The following DNAH3 variants were observed in gnomAD, a reference collection of about 807,000 sequenced individuals.
DNAH3 encodes dynein axonemal heavy chain 3, also known as axonemal beta dynein heavy chain 3.
In DNAH3, 332 loss-of-function variants were observed where a neutral mutation model predicts 432.5. The ratio of observed to expected loss-of-function variants is 0.77; its 90% CI spans 0.70 to 0.84. The LOEUF is 0.84. Ranked by LOEUF, DNAH3 falls within the 40% of genes least tolerant of loss-of-function variation. The pLI, the probability that DNAH3 is intolerant of heterozygous loss-of-function variation, is 0.00. For missense variants in DNAH3, 4,861 were observed against 5,114.0 expected (o/e 0.95, Z 1.51); for synonymous variants, 1,956 against 1,900.2 (o/e 1.03, Z -0.76).
chr16:20,960,876 G>A (rs906302412), intron 53 of DNAH3, among the ~76,000 whole-genome samples: 4 of 152,262 alleles, frequency 2.6e-5, no homozygotes, highest in East Asian at 1.9e-4. Context: ...GTGAGTTCAC[G>A]GTACTCTCTG....
chr16:21,051,571 G>T (rs945512362), intron 29 of DNAH3, 99 bp downstream of exon 29: 17 of 1,211,506 alleles, frequency 1.4e-5, no homozygotes, highest in Middle Eastern at 2.8e-4. Context: ...AAGTGTGAAG[G>T]GTAAAGGTAA....
At chr16:21,138,122 C>T (rs919548756) in intron 5 of DNAH3, among the ~76,000 whole-genome samples, 1 of 151,922 alleles carries the variant, frequency 6.6e-6, no homozygotes, top group Non-Finnish European at 1.5e-5. Context: ...GTGGTGCATA[C>T]CTGTAATCCC....
At chr16:21,146,584 A>G (rs1425164945) in intron 1 of DNAH3, among the ~76,000 whole-genome samples, 2 of 152,150 alleles carry the variant, frequency 1.3e-5, no homozygotes, top group East Asian at 1.9e-4. Context: ...GTTACCTTGC[A>G]TGGTTATTAT....
At chr16:21,038,280 C>T (rs974116440) in intron 33 of DNAH3, among the ~76,000 whole-genome samples, 12 of 152,222 alleles carry the variant, frequency 7.9e-5, no homozygotes, top group East Asian at 7.7e-4. Flanking sequence ...GCAGGAGGAT[C>T]GCTTGAGGCC....
chr16:21,115,746 AAAAAT>A (rs1000829648), intron 12 of DNAH3, among the ~76,000 whole-genome samples: 12 of 149,610 alleles, frequency 8.0e-5, no homozygotes, highest in African/African-American at 2.0e-4. Flanking sequence ...AAAATAAAAT[AAAAAT>A]AAAATAAAAT....
chr16:20,939,851 A>G (rs1016643184), intron 59 of DNAH3, among the ~76,000 whole-genome samples: 1 of 152,192 alleles, frequency 6.6e-6, no homozygotes, highest in Non-Finnish European at 1.5e-5. Flanking sequence ...ACCTACATCA[A>G]ATCACAGTCA....
At chr16:20,952,114 G>C (rs1172905297) in intron 56 of DNAH3, among the ~76,000 whole-genome samples, 2 of 151,978 alleles carry the variant, frequency 1.3e-5, no homozygotes, top group African/African-American at 2.4e-5. Context: ...TTGACCTCAG[G>C]TGATCCACCT....
chr16:21,037,707 C>A, intron 34 of DNAH3, 54 bp downstream of exon 34: 1 of 1,520,528 alleles, frequency 6.6e-7, no homozygotes, highest in South Asian at 1.2e-5. Flanking sequence ...CACAACATTT[C>A]ATCTTCCAAC....
intron 7 of DNAH3, among the ~76,000 whole-genome samples, chr16:21,133,717 G>GTT (rs1477967158): frequency 6.6e-6 from 1 of 152,168 alleles, no homozygotes; most frequent in Non-Finnish European, 1.5e-5. Flanking sequence ...TCCAGCCTGG[G>GTT]TAACAAGAGC....
At chr16:20,987,961 A>C (rs2086288602) in exon 45 of DNAH3, 1 of 1,614,028 alleles carries the variant, frequency 6.2e-7, no homozygotes, top group East Asian at 2.2e-5. Flanking sequence ...ATCACATCAA[A>C]CCCTTTCCCG....
chr16:21,074,675 T>G (rs895992150), intron 21 of DNAH3, among the ~76,000 whole-genome samples: 1 of 151,940 alleles, frequency 6.6e-6, no homozygotes, highest in Non-Finnish European at 1.5e-5. Context: ...GATCACGCAG[T>G]TGCACTCCAG....
At chr16:21,000,142 G>A in intron 43 of DNAH3, 82 bp downstream of exon 43, 1 of 1,435,404 alleles carries the variant, frequency 7.0e-7, no homozygotes, top group Non-Finnish European at 9.6e-7. Context: ...TATGTACAGT[G>A]GCACCACAAG....
chr16:21,078,918 G>A (rs2091074412), intron 20 of DNAH3, among the ~76,000 whole-genome samples: 1 of 152,212 alleles, frequency 6.6e-6, no homozygotes, highest in African/African-American at 2.4e-5. Flanking sequence ...ATCAGTTCAG[G>A]TGACATGCCT....
At position 21,105,142 on chromosome 16, in the gene DNAH3, C is replaced by A. The variant is rs568016991; in HGVS notation, c.2285-590G>T. Among the ~76,000 whole-genome samples the A allele has an allele frequency of 1.2e-4, 18 of 152,238 alleles. No individual in the cohort carries two copies. The South Asian group carries it at 3.7e-3, about 32-fold the overall frequency. On this transcript the variant is annotated intron_variant, in intron 15 of 61. Transcript: ENST00000261383. ...AGGCAGAGCCCACAGTGAGAGTCCA[C>A]GGTGTATCCAGGGGTCGAGGGCACA...
chr16:21,062,387 A>T (rs902870022), intron 25 of DNAH3, 95 bp downstream of exon 25: 1 of 975,240 alleles, frequency 1.0e-6, no homozygotes, highest in Non-Finnish European at 1.6e-6. Flanking sequence ...TCCATACCCC[A>T]GGCAGTCTGG....
At chr16:21,017,840 G>GAAACATAATAATGTTTCATTATTATC (rs2087938457) in intron 41 of DNAH3, among the ~76,000 whole-genome samples, 1 of 152,076 alleles carries the variant, frequency 6.6e-6, no homozygotes, top group Non-Finnish European at 1.5e-5. Flanking sequence ...TCATTATTAT[G>GAAACATAATAATGTTTCATTATTATC]AAACATAATA....
At chr16:21,092,886 A>G (rs2091578841) in intron 18 of DNAH3, among the ~76,000 whole-genome samples, 3 of 152,176 alleles carry the variant, frequency 2.0e-5, no homozygotes, top group African/African-American at 7.2e-5. Flanking sequence ...GATGTTCAAT[A>G]TCATTGCCAT....
chr16:20,935,284 GA>G, intron 61 of DNAH3, 63 bp downstream of exon 61: 1 of 1,592,222 alleles, frequency 6.3e-7, no homozygotes, highest in Non-Finnish European at 8.6e-7. Flanking sequence ...GACTCATAAG[GA>G]AATTGGCAAC....
At chr16:21,072,573 T>G (rs1412691739) in intron 21 of DNAH3, among the ~76,000 whole-genome samples, 1 of 152,066 alleles carries the variant, frequency 6.6e-6, no homozygotes, top group East Asian at 1.9e-4. Flanking sequence ...GTGATCTGCC[T>G]GCCTCAGCCT....
Sources: allele counts gnomAD v4.1 joint callset (sites outside exome capture counted in the v4.1 genomes callset), GRCh38; gene constraint gnomAD v4.1.1; transcripts MANE v1.5; gene names NCBI Gene and HGNC (gene_info 2026-07-23, HGNC 2026-07-21).